KHDRBS3: variants seen among roughly 807,000 people sequenced by gnomAD.
The protein encoded by KHDRBS3 is KH domain-containing, RNA-binding, signal transduction-associated protein 3.
A neutral mutation model predicts 45.6 loss-of-function variants in KHDRBS3; 23 were observed. The ratio of observed to expected loss-of-function variants is 0.50; its 90% confidence interval spans 0.36 to 0.72. The LOEUF (loss-of-function observed/expected upper bound fraction) is 0.72, where lower values mean the gene tolerates loss of function less well. Ranked by LOEUF, KHDRBS3 falls within the 30% of genes least tolerant of loss-of-function variation. The pLI, the probability that KHDRBS3 is intolerant of heterozygous loss-of-function variation, is 0.00. For synonymous variants in KHDRBS3, 162 were observed against 156.5 expected, an observed-to-expected ratio of 1.04 and a Z score of -0.26; for missense variants, 352 against 424.8, an observed-to-expected ratio of 0.83 and a Z score of 1.51.
intron 5 of KHDRBS3, among the ~76,000 whole-genome samples, chr8:135,578,174 T>C (rs2130911318): frequency 6.6e-6 from 1 of 152,270 alleles, no homozygotes; most frequent in African/African-American, 2.4e-5. Flanking sequence ...ATTTTCTTCC[T>C]TTCTGTGGCT....
At chr8:135,568,195 A>G (rs1827523680) in intron 5 of KHDRBS3, among the ~76,000 whole-genome samples, 1 of 152,214 alleles carries the variant, frequency 6.6e-6, no homozygotes, top group Admixed American at 6.5e-5. Context: ...CATTCTGGAT[A>G]TTATATATTT....
intron 7 of KHDRBS3, among the ~76,000 whole-genome samples, chr8:135,613,165 T>G (rs915733074): frequency 1.3e-5 from 2 of 151,888 alleles, no homozygotes; most frequent in Non-Finnish European, 1.5e-5. Flanking sequence ...AAAATATAGC[T>G]TAGTAATATT....
At chr8:135,463,168 C>G (rs1821518091) in intron 1 of KHDRBS3, among the ~76,000 whole-genome samples, 3 of 152,126 alleles carry the variant, frequency 2.0e-5, no homozygotes, top group Admixed American at 2.0e-4. Flanking sequence ...CCTCGGAAGA[C>G]AGGGCCTGGT....
intron 6 of KHDRBS3, among the ~76,000 whole-genome samples, chr8:135,604,578 A>G (rs987977949): frequency 5.3e-5 from 8 of 151,240 alleles, no homozygotes; most frequent in African/African-American, 1.9e-4. Flanking sequence ...TTATTTTTAA[A>G]TTACTTATAT....
chr8:135,595,715 T>C (rs1330292614), intron 6 of KHDRBS3, among the ~76,000 whole-genome samples: 3 of 152,186 alleles, frequency 2.0e-5, no homozygotes, highest in African/African-American at 4.8e-5. Flanking sequence ...TGGCACATCA[T>C]TCCAAGAGGG....
In KHDRBS3 at chr8:135,621,710, A is replaced by T. The variant is rs1399956943; in HGVS notation, c.890+14673A>T. Among the ~76,000 whole-genome samples the T allele has an allele frequency of 6.5e-4, 99 of 152,090 alleles. 1 individual carries two copies. Among genetic ancestry groups the T allele is most frequent in the Non-Finnish European group, 5.9e-5 (4 of 67,998 alleles). On this transcript the variant is annotated intron_variant, in intron 7 of 8. Coordinates refer to ENST00000355849, the MANE Select transcript of KHDRBS3 (RefSeq NM_006558.3). ...GTTTTTGTGCAGAAGAGCACAAAAA[A>T]AAAAAAAACGTGCAGTGGTCCTATG...
chr8:135,615,494 A>G (rs905862696), intron 7 of KHDRBS3, among the ~76,000 whole-genome samples: 4 of 152,086 alleles, frequency 2.6e-5, no homozygotes, highest in Admixed American at 6.5e-5. Context: ...TCTTAATGAC[A>G]TTATTGATTT....
intron 1 of KHDRBS3, among the ~76,000 whole-genome samples, chr8:135,477,023 A>G (rs957078994): frequency 5.9e-5 from 9 of 152,220 alleles, no homozygotes; most frequent in African/African-American, 1.9e-4. Flanking sequence ...TGAGATATTC[A>G]TAATCAGAAA....
rs184769492 is a variant in KHDRBS3, at chr8:135,523,716, C to A, written c.207+2361C>A. Among the ~76,000 whole-genome samples, 5 of 152,182 alleles carry A rather than the reference C, an allele frequency of 3.3e-5. No homozygotes were observed. In the East Asian group the frequency reaches 9.7e-4, roughly 29 times the overall value. On this transcript the variant is annotated intron_variant, in intron 2 of 8. Transcript: ENST00000355849. ...CATGCAGTTATTTTAACATTAAGAACAATATTAGTTACAGGTTTTTTTGGT... is the reference window on the plus strand; with the variant it reads ...CATGCAGTTATTTTAACATTAAGAAAAATATTAGTTACAGGTTTTTTTGGT...
At chr8:135,579,186 T>C (rs530807787) in intron 5 of KHDRBS3, among the ~76,000 whole-genome samples, 88 of 152,340 alleles carry the variant, frequency 5.8e-4, no homozygotes, top group African/African-American at 2.0e-3. Context: ...ATGAGTTTTA[T>C]TTACTTTTCT....
At position 135,623,142 on chromosome 8, in the gene KHDRBS3, C is replaced by T. The variant is rs1009378061; in HGVS notation, c.890+16105C>T. On this transcript the variant is annotated intron_variant, in intron 7 of 8. Transcript: ENST00000355849. ...GCAAAGAATTGTCATTAAAATTACTCGTGATGTCTAGTGACAGTATCTGTA... is the reference window on the plus strand; with the variant it reads ...GCAAAGAATTGTCATTAAAATTACTTGTGATGTCTAGTGACAGTATCTGTA... 3.3e-5 allele frequency among the ~76,000 whole-genome samples: 5 copies of T among 152,184 alleles called. 1 individual carries two copies. Among genetic ancestry groups the T allele is most frequent in the South Asian group, 4.1e-4 (2 of 4,832 alleles).
chr8:135,499,935 TTAAAA>T (rs1214225389), intron 1 of KHDRBS3, among the ~76,000 whole-genome samples: 5 of 152,214 alleles, frequency 3.3e-5, no homozygotes, highest in African/African-American at 9.6e-5. Context: ...TTTGAGACAT[TTAAAA>T]TAAAGTTTCC....
At chr8:135,651,901 T>C (rs1831438611), downstream of KHDRBS3, among the ~76,000 whole-genome samples, 1 of 152,174 alleles carries the variant, frequency 6.6e-6, no homozygotes, top group Non-Finnish European at 1.5e-5. Context: ...TACTATAATT[T>C]AGATAGTCTA....
At chr8:135,466,505 A>G (rs1024454035) in intron 1 of KHDRBS3, among the ~76,000 whole-genome samples, 1 of 152,240 alleles carries the variant, frequency 6.6e-6, no homozygotes, top group African/African-American at 2.4e-5. Flanking sequence ...ACTTACGGTT[A>G]CTGGCCATGG....
intron 4 of KHDRBS3, among the ~76,000 whole-genome samples, chr8:135,550,468 A>G (rs1274579386): frequency 2.0e-5 from 3 of 152,214 alleles, no homozygotes; most frequent in South Asian, 2.1e-4. Context: ...CTAGCACCAT[A>G]TGTTGAAAAG....
At chr8:135,511,616 C>T (rs978124900) in intron 1 of KHDRBS3, among the ~76,000 whole-genome samples, 5 of 152,060 alleles carry the variant, frequency 3.3e-5, no homozygotes, top group East Asian at 3.9e-4. Flanking sequence ...AGTGCAGTGG[C>T]GCGATCTCGG....
At chr8:135,558,341 A>G (rs184811960) in intron 5 of KHDRBS3, among the ~76,000 whole-genome samples, 1 of 152,280 alleles carries the variant, frequency 6.6e-6, no homozygotes, top group African/African-American at 2.4e-5. Context: ...ATTATTTTTA[A>G]TTTTTCAATC....
chr8:135,542,967 A>G (rs762487248), intron 3 of KHDRBS3, among the ~76,000 whole-genome samples, 197 bp downstream of exon 3: 1 of 152,238 alleles, frequency 6.6e-6, no homozygotes, highest in Non-Finnish European at 1.5e-5. Context: ...CATACATTAA[A>G]TAAAAACATA....
chr8:135,472,092 G>A (rs1343686639), intron 1 of KHDRBS3, among the ~76,000 whole-genome samples: 1 of 152,192 alleles, frequency 6.6e-6, no homozygotes, highest in Non-Finnish European at 1.5e-5. Flanking sequence ...CAGAATGCAA[G>A]TGAAAGAAGA....
Sources: allele counts gnomAD v4.1 joint callset (sites outside exome capture counted in the v4.1 genomes callset), GRCh38; gene constraint gnomAD v4.1.1; transcripts MANE v1.5; gene names NCBI Gene and HGNC (gene_info 2026-07-23, HGNC 2026-07-21).